Variants in PITPNA observed in about 807,000 individuals in gnomAD.
PITPNA encodes phosphatidylinositol transfer protein alpha.
A neutral mutation model predicts 50.3 loss-of-function variants in PITPNA; 13 were observed. That is an observed-to-expected ratio of 0.26 (90% CI 0.17 to 0.41). The LOEUF is 0.41. PITPNA is among the 10% of genes least tolerant of loss of function. PITPNA has a pLI of 1.00. For missense variants in PITPNA, 207 were observed against 333.4 expected (o/e 0.62, Z 2.95); for synonymous variants, 120 against 119.6 (o/e 1.00, Z -0.02).
chr17:1,536,007 C>T (rs2075613655), intron 7 of PITPNA, among the ~76,000 whole-genome samples: 2 of 152,190 alleles, frequency 1.3e-5, no homozygotes, highest in Admixed American at 1.3e-4. Context: ...CTTAAATCTT[C>T]CAGTGCAATC....
chr17:1,526,385 C>T (rs2075548292), intron 10 of PITPNA, among the ~76,000 whole-genome samples: 1 of 152,234 alleles, frequency 6.6e-6, no homozygotes, highest in Admixed American at 6.5e-5. Context: ...TGATTCTGGG[C>T]TGTAGCCTTT....
chr17:1,522,088 G>T (rs544623642), intron 10 of PITPNA, among the ~76,000 whole-genome samples: 1 of 114,218 alleles, frequency 8.8e-6, no homozygotes, highest in Non-Finnish European at 1.9e-5. Context: ...TTTTTGAGAC[G>T]GAGTCTCGCT....
At chr17:1,542,988 T>C in intron 5 of PITPNA, 32 bp downstream of exon 5, 1 of 1,547,022 alleles carries the variant, frequency 6.5e-7, no homozygotes, top group Non-Finnish European at 8.8e-7. Context: ...TTATACATCA[T>C]CTACAGTTCC....
chr17:1,531,114 G>A (rs1303749273), intron 10 of PITPNA, among the ~76,000 whole-genome samples: 1 of 152,132 alleles, frequency 6.6e-6, no homozygotes, highest in African/African-American at 2.4e-5. Flanking sequence ...GACCCCAGGT[G>A]CTGCTAGGGG....
chr17:1,524,338 C>G (rs2075534314), intron 10 of PITPNA, among the ~76,000 whole-genome samples: 1 of 144,562 alleles, frequency 6.9e-6, no homozygotes, highest in South Asian at 2.1e-4. Flanking sequence ...GCCATCGCAC[C>G]TGGCCTTTTT....
intron 2 of PITPNA, among the ~76,000 whole-genome samples, chr17:1,557,111 T>C (rs1239539837): frequency 1.3e-5 from 2 of 152,148 alleles, no homozygotes; most frequent in Non-Finnish European, 2.9e-5. Context: ...TCATTCTCCC[T>C]GGTTCCCAGG....
At chr17:1,548,071 G>A (rs140758982) in intron 4 of PITPNA, among the ~76,000 whole-genome samples, 10 of 152,238 alleles carry the variant, frequency 6.6e-5, no homozygotes, top group African/African-American at 2.2e-4. Flanking sequence ...AATCAAAATC[G>A]CAGCATCCCC....
rs552033178 is a variant in PITPNA at position 1,522,366 on chromosome 17, T to C, written c.769-721A>G. Among the ~76,000 whole-genome samples, 528 of 145,226 alleles carry C rather than the reference T, an allele frequency of 3.6e-3. 2 individuals carry two copies. The highest frequency in any genetic ancestry group is 0.013 in the African/African-American group (489 of 39,058). On this transcript the variant is annotated intron_variant, in intron 10 of 11. Transcript: ENST00000313486. ...GATTACAGGCGTGAGCCACCGCGCC[T>C]GGCCGAAACATCTTTTTTTGTGTGT... is the stretch of plus-strand genomic sequence containing the variant.
intron 1 of PITPNA, among the ~76,000 whole-genome samples, chr17:1,561,866 C>T (rs1337992678): frequency 6.6e-6 from 1 of 152,180 alleles, no homozygotes; most frequent in East Asian, 1.9e-4. Context: ...CCAACTCCAT[C>T]GCGGAGCCTC....
At chr17:1,539,000 A>C (rs2075633712) in intron 6 of PITPNA, 48 bp from the exon 7 acceptor site, 5 of 1,300,318 alleles carry the variant, frequency 3.8e-6, no homozygotes, top group Non-Finnish European at 5.6e-6. Flanking sequence ...TCAGTTATAA[A>C]ATATCCTTTA....
intron 10 of PITPNA, among the ~76,000 whole-genome samples, chr17:1,522,262 G>A (rs546363758): frequency 2.9e-4 from 44 of 151,212 alleles, no homozygotes; most frequent in Admixed American, 2.6e-3. Flanking sequence ...TAGTAGAGAC[G>A]GGGTTTCACC....
chr17:1,531,122 G>A (rs1234053494), intron 10 of PITPNA, among the ~76,000 whole-genome samples: 1 of 152,132 alleles, frequency 6.6e-6, no homozygotes, highest in Non-Finnish European at 1.5e-5. Flanking sequence ...GTGCTGCTAG[G>A]GGGAAGGTGG....
At chr17:1,521,504 G>T in intron 11 of PITPNA, 75 bp downstream of exon 11, 1 of 965,530 alleles carries the variant, frequency 1.0e-6, no homozygotes, top group Non-Finnish European at 1.7e-6. Flanking sequence ...TGACTCCATA[G>T]TGAGCTGCTG....
chr17:1,542,635 A>G (rs1406134913), intron 5 of PITPNA, among the ~76,000 whole-genome samples: 1 of 152,202 alleles, frequency 6.6e-6, no homozygotes, highest in Admixed American at 6.5e-5. Context: ...AACCCCGCTG[A>G]CTTCACGACT....
At chr17:1,533,152 G>T (rs913330250) in intron 10 of PITPNA, among the ~76,000 whole-genome samples, 5 of 152,246 alleles carry the variant, frequency 3.3e-5, no homozygotes, top group African/African-American at 1.2e-4. Context: ...GGCAAGGAGG[G>T]AGAAGTGATG....
chr17:1,556,028 G>A (rs1344612722), intron 2 of PITPNA, among the ~76,000 whole-genome samples: 1 of 152,162 alleles, frequency 6.6e-6, no homozygotes, highest in Non-Finnish European at 1.5e-5. Context: ...CTCAAGTCAT[G>A]GCCTCCAATT....
intron 3 of PITPNA, among the ~76,000 whole-genome samples, chr17:1,550,891 C>T (rs1555532187): frequency 6.6e-6 from 1 of 152,170 alleles, no homozygotes; most frequent in Non-Finnish European, 1.5e-5. Flanking sequence ...CAGGGAGACT[C>T]GTTAGAAGCT....
chr17:1,552,494 T>C (rs2075714788), intron 3 of PITPNA, among the ~76,000 whole-genome samples: 1 of 152,164 alleles, frequency 6.6e-6, no homozygotes, highest in Non-Finnish European at 1.5e-5. Context: ...ATGCCTTTGA[T>C]CCAAAGAGAG....
chr17:1,535,214 G>C lies in PITPNA; in HGVS notation c.613C>G (p.Leu205Val). 6.2e-7 allele frequency: 1 copy of C among 1,613,544 alleles called. No individual in the cohort carries two copies. The highest frequency in any genetic ancestry group is 1.3e-5 in the African/African-American group (1 of 75,066). The part of the protein sequence containing the change: ...LVTVKFKWWG[L>V]QNKVENFIHK... ...ATGAAGTTCTCCACTTTGTTCTGCA[G>C]GCCCCACCACTTGAACTTGACGGTC... is the stretch of plus-strand genomic sequence containing the variant. Residue 205 changes from leucine to valine, a missense_variant, in exon 9 of 12, where the codon CTG becomes GTG. By Grantham distance (32) the Leu-to-Val change is conservative. Transcript: ENST00000313486.
Sources: gnomAD v4.1 joint callset for allele counts (sites outside exome capture counted in the v4.1 genomes callset) on GRCh38, gnomAD v4.1.1 for gene constraint, MANE v1.5 for transcripts, NCBI Gene and HGNC (gene_info 2026-07-23, HGNC 2026-07-21) for gene names.